DYNLT1: variants seen among roughly 807,000 people sequenced by gnomAD.
DYNLT1 encodes dynein light chain Tctex-type 1, also known as T-complex testis-specific protein 1 homolog.
In DYNLT1, 18 loss-of-function variants were observed where a neutral mutation model predicts 19.6. The observed-to-expected ratio is 0.92, with a 90% CI of 0.64 to 1.36. DYNLT1 has a LOEUF of 1.36. Ranked by LOEUF, DYNLT1 falls within the 40% of genes most tolerant of loss-of-function variation. DYNLT1 has a pLI of 0.00. For synonymous variants in DYNLT1, 56 were observed against 44.0 expected (o/e 1.27, Z -1.07); for missense variants, 137 against 139.3 (o/e 0.98, Z 0.08).
rs1787033682 is a variant in DYNLT1, at chr6:158,637,386, A to G, written c.194-181T>C. On this transcript the variant is annotated intron_variant, in intron 3 of 4. Coordinates refer to ENST00000367089, the MANE Select transcript of DYNLT1 (RefSeq NM_006519.4). ...AAATTATAGGTGCTCCTTGACTTAC[A>G]ACATCCCATAAACCCATCATAAATC... is the stretch of plus-strand genomic sequence containing the variant. 4.7e-6 allele frequency: 3 copies of G among 635,778 alleles called. No homozygotes were observed. The Admixed American group carries it at 8.8e-5, about 19-fold the overall frequency. 39.4% of individuals were successfully genotyped at this position (635,778 alleles called of 1,614,324 possible). A position where few individuals can be genotyped will look rare whatever the true frequency, so the allele number is the denominator to read the frequency against.
intron 3 of DYNLT1, 136 bp downstream of exon 3, chr6:158,637,635 C>T: frequency 7.3e-7 from 1 of 1,378,340 alleles, no homozygotes; most frequent in South Asian, 1.2e-5. Context: ...CTAACGTATA[C>T]TACACACACG....
At chr6:158,637,386 A>C in intron 3 of DYNLT1, 181 bp from the exon 4 acceptor site, 1 of 635,896 alleles carries the variant, frequency 1.6e-6, no homozygotes, top group Non-Finnish European at 2.8e-6. Context: ...CTTGACTTAC[A>C]ACATCCCATA....
At position 158,636,748 on chromosome 6, in the gene DYNLT1, A is replaced by G; in HGVS notation, c.*79T>C. Reference sequence around the variant, plus strand: ...GCCACAAAACAAAGAGAATGAGAAAAGAGTTCACTGAATTCATGGCTGGTG... The same window carrying G: ...GCCACAAAACAAAGAGAATGAGAAAGGAGTTCACTGAATTCATGGCTGGTG... On this transcript the variant is annotated 3_prime_UTR_variant, in exon 5 of 5. Coordinates refer to ENST00000367089, the MANE Select transcript of DYNLT1 (RefSeq NM_006519.4). The G allele has an allele frequency of 2.1e-6, 3 of 1,449,342 alleles. No individual in the cohort carries two copies. The highest frequency in any genetic ancestry group is 1.9e-6 in the Non-Finnish European group (2 of 1,060,842). 89.8% of individuals were successfully genotyped at this position (1,449,342 alleles called of 1,614,324 possible).
intron 1 of DYNLT1, among the ~76,000 whole-genome samples, chr6:158,643,413 TC>T (rs1257128960): frequency 4.6e-5 from 7 of 152,170 alleles, no homozygotes; most frequent in African/African-American, 1.7e-4. Flanking sequence ...AAACTGAAAC[TC>T]TAGAATCAGT....
chr6:158,638,250 ATATT>A (rs541070530), intron 2 of DYNLT1, among the ~76,000 whole-genome samples: 136 of 152,298 alleles, frequency 8.9e-4, no homozygotes, highest in African/African-American at 3.1e-3. Flanking sequence ...CTAATACTAT[ATATT>A]AGATGAATTG....
intron 3 of DYNLT1, 161 bp from the exon 4 acceptor site, chr6:158,637,366 A>G (rs1787032613): frequency 1.5e-6 from 1 of 660,346 alleles, no homozygotes; most frequent in East Asian, 2.7e-5. Context: ...TTGACAAATT[A>G]TAGGTGCTCC....
intron 2 of DYNLT1, among the ~76,000 whole-genome samples, chr6:158,639,017 G>A (rs1007605494): frequency 1.3e-5 from 2 of 152,172 alleles, no homozygotes; most frequent in African/African-American, 4.8e-5. Context: ...ATGACCTAAA[G>A]TGAAAATAAC....
chr6:158,636,681 C>CA lies in DYNLT1; in HGVS notation c.*145dup, dbSNP rs1787004056. 1 of 875,086 alleles carries CA rather than the reference C, an allele frequency of 1.1e-6. No individual in the cohort carries two copies. The highest frequency in any genetic ancestry group is 2.7e-5 in the East Asian group (1 of 36,684). The allele number at this position is 875,086 out of a possible 1,614,324, so 54.2% of individuals were successfully genotyped here. ...CATCTGACTTCGGTGCCATTCACAT[C>CA]ACAGTGCGGTCATTTGGTTTTTTCC... On this transcript the variant is annotated 3_prime_UTR_variant, in exon 5 of 5. Coordinates refer to ENST00000367089, the MANE Select transcript of DYNLT1 (RefSeq NM_006519.4).
At chr6:158,638,198 C>A (rs1048129119) in intron 2 of DYNLT1, among the ~76,000 whole-genome samples, 1 of 152,028 alleles carries the variant, frequency 6.6e-6, no homozygotes, top group African/African-American at 2.4e-5. Context: ...CTATTCATTT[C>A]TTAAAAGTAT....
In DYNLT1 at chr6:158,636,857, G is replaced by A. The variant is rs935481762; in HGVS notation, c.312C>T (p.Cys104=). Residue 104 remains cysteine, a synonymous_variant, in exon 5 of 5, where the codon TGC becomes TGT. Coordinates refer to ENST00000367089, the MANE Select transcript of DYNLT1 (RefSeq NM_006519.4). ...TAGACAGTCCGAAGGCACTGACGAT[G>A]CAGTACATGGTCTTATTCTCCCATC... The part of the protein sequence containing the change: ...TVRWENKTMY[C]IVSAFGLSI 3.1e-6 allele frequency: 5 copies of A among 1,613,258 alleles called. No individual in the cohort carries two copies. The Admixed American group carries it at 5.0e-5, about 16-fold the overall frequency.
intron 2 of DYNLT1, among the ~76,000 whole-genome samples, chr6:158,638,828 T>A (rs1335576241): frequency 6.6e-6 from 1 of 152,210 alleles, no homozygotes; most frequent in Non-Finnish European, 1.5e-5. Context: ...CAATGCAAGC[T>A]CATTGTCGCT....
In DYNLT1 at chr6:158,637,967, G is replaced by A. The variant is rs565774199; in HGVS notation, c.70-73C>T. The A allele has an allele frequency of 3.4e-5, 54 of 1,575,416 alleles. No homozygotes were observed. The African/African-American group carries it at 4.2e-4, about 12-fold the overall frequency. ...CACCACCTTTCAATCAGGAACTGAC[G>A]GCACCCCAAGAAGTGATTTATGAAA... On this transcript the variant is annotated intron_variant, in intron 2 of 4. Coordinates refer to ENST00000367089, the MANE Select transcript of DYNLT1 (RefSeq NM_006519.4).
rs1365526693 is a variant in DYNLT1 at position 158,644,698 on chromosome 6, T to A, written c.11A>T (p.Tyr4Phe). 1 of 1,611,954 alleles carries A rather than the reference T, an allele frequency of 6.2e-7. No individual in the cohort carries two copies. The highest frequency in any genetic ancestry group is 2.2e-5 in the East Asian group (1 of 44,840). Residue 4 changes from tyrosine (Y) to phenylalanine (F), a missense_variant, in exon 1 of 5, where the codon TAC becomes TTC. Tyr to Phe is a conservative substitution (Grantham distance 22). Coordinates refer to ENST00000367089, the MANE Select transcript of DYNLT1 (RefSeq NM_006519.4). The part of the protein sequence containing the change: MED[Y>F]QAAEETAFVV... Reference sequence around the variant, plus strand: ...GGCGGTTACCTCCTCCGCAGCCTGGTAGTCTTCCATCTTTCCTCCGGCGCG... The same window carrying A: ...GGCGGTTACCTCCTCCGCAGCCTGGAAGTCTTCCATCTTTCCTCCGGCGCG...
rs1275972792 is a variant in DYNLT1, at chr6:158,641,301, G to A, written c.69+18C>T. 1.9e-6 allele frequency: 3 copies of A among 1,583,084 alleles called. No individual in the cohort carries two copies. Among genetic ancestry groups the A allele is most frequent in the Non-Finnish European group, 1.7e-6 (2 of 1,169,048 alleles). ...ATAAGCCATTAAACATTTAAGAAGTGAGCATTTCTCCTCTTACCTCTTTTA... is the reference window on the plus strand; with the variant it reads ...ATAAGCCATTAAACATTTAAGAAGTAAGCATTTCTCCTCTTACCTCTTTTA... On this transcript the variant is annotated intron_variant, in intron 2 of 4. Coordinates refer to ENST00000367089, the MANE Select transcript of DYNLT1 (RefSeq NM_006519.4).
At chr6:158,637,305 G>A (rs1787030283) in intron 3 of DYNLT1, 100 bp from the exon 4 acceptor site, 4 of 1,062,050 alleles carry the variant, frequency 3.8e-6, no homozygotes, top group Non-Finnish European at 5.5e-6. Flanking sequence ...GCTCCACGTG[G>A]TTGATGTTCT....
At chr6:158,637,990 A>T in intron 2 of DYNLT1, 96 bp from the exon 3 acceptor site, 1 of 1,537,786 alleles carries the variant, frequency 6.5e-7, no homozygotes, top group Non-Finnish European at 8.7e-7. Context: ...GTGATTTATG[A>T]AAAGTTTATT....
chr6:158,637,764 C>T lies in DYNLT1; in HGVS notation c.193+7G>A. 6.2e-7 allele frequency: 1 copy of T among 1,614,140 alleles called. No individual in the cohort carries two copies. Among genetic ancestry groups the T allele is most frequent in the Non-Finnish European group, 8.5e-7 (1 of 1,180,034 alleles). On this transcript the variant is annotated splice_region_variant and intron_variant, in intron 3 of 4. Transcript: ENST00000367089. ...CCGCAAATATAAAAGAAACAAGACT[C>T]CATTACCGATGTATTTAAATGGTTT...
chr6:158,644,587 G>C, intron 1 of DYNLT1, 95 bp downstream of exon 1: 1 of 1,463,594 alleles, frequency 6.8e-7, no homozygotes, highest in Admixed American at 1.8e-5. Flanking sequence ...CTAGCTGAAG[G>C]AGGTGGGCAG....
intron 2 of DYNLT1, among the ~76,000 whole-genome samples, chr6:158,640,031 CA>C (rs1192633518): frequency 6.6e-6 from 1 of 152,162 alleles, no homozygotes; most frequent in East Asian, 1.9e-4. Context: ...GTAACCAAGT[CA>C]AAGATAAGGC....
Sources: allele counts gnomAD v4.1 joint callset (sites outside exome capture counted in the v4.1 genomes callset), GRCh38; gene constraint gnomAD v4.1.1; transcripts MANE v1.5; gene names NCBI Gene and HGNC (gene_info 2026-07-23, HGNC 2026-07-21).